The following WWTR1 variants were observed in gnomAD, a reference collection of about 807,000 sequenced individuals.
The protein encoded by WWTR1 is WW domain-containing transcription regulator protein 1.
WWTR1 carries 13 observed loss-of-function variants against 40.1 expected under a neutral mutation model. That is an observed-to-expected ratio of 0.32 (90% confidence interval 0.21 to 0.52). The LOEUF is 0.52. Ranked by LOEUF, WWTR1 falls within the 20% of genes least tolerant of loss-of-function variation. The pLI, the probability that WWTR1 is intolerant of heterozygous loss-of-function variation, is 0.97. For synonymous variants in WWTR1, 230 were observed against 210.1 expected, an observed-to-expected ratio of 1.09 and a Z score of -0.82; for missense variants, 436 against 523.1, an observed-to-expected ratio of 0.83 and a Z score of 1.63.
intron 1 of WWTR1, 122 bp from the exon 2 acceptor site, chr3:149,657,431 G>A (rs969954652): frequency 5.0e-6 from 6 of 1,189,832 alleles, no homozygotes; most frequent in African/African-American, 1.5e-5. Context: ...CGAGGAGACA[G>A]ATAATTGCCC....
At chr3:149,605,140 A>C (rs1739427103) in intron 2 of WWTR1, among the ~76,000 whole-genome samples, 1 of 152,212 alleles carries the variant, frequency 6.6e-6, no homozygotes, top group Non-Finnish European at 1.5e-5. Context: ...GAGAGTGGAG[A>C]CCTGGTCACA....
rs552498008 is a variant in WWTR1 at position 149,553,696 on chromosome 3, G to A, written c.569-11159C>T. Among the ~76,000 whole-genome samples, 212 of 152,222 alleles carry A rather than the reference G, an allele frequency of 1.4e-3. 1 individual carries two copies. The highest frequency in any genetic ancestry group is 1.8e-4 in the Non-Finnish European group (12 of 68,008). On this transcript the variant is annotated intron_variant, in intron 3 of 6. Coordinates refer to ENST00000360632, the MANE Select transcript of WWTR1 (RefSeq NM_015472.6). ...AAGCCAAAACATACAGGTGTAAATC[G>A]TTTCTGACTTATGTGCAGACCCAGC...
chr3:149,594,551 A>G (rs1738885374), intron 2 of WWTR1, among the ~76,000 whole-genome samples: 1 of 152,188 alleles, frequency 6.6e-6, no homozygotes, highest in Non-Finnish European at 1.5e-5. Flanking sequence ...ATCATAAAGA[A>G]CCCATCGTGT....
At chr3:149,667,099 C>T (rs1713852966) in intron 2 of WWTR1, among the ~76,000 whole-genome samples, 1 of 152,108 alleles carries the variant, frequency 6.6e-6, no homozygotes, top group Non-Finnish European at 1.5e-5. Context: ...TATTGGAGCG[C>T]TTGTGTGTAT....
intron 5 of WWTR1, among the ~76,000 whole-genome samples, chr3:149,710,578 C>A (rs867585526): frequency 2.4e-5 from 2 of 84,772 alleles, no homozygotes; most frequent in East Asian, 4.9e-4. Context: ...CCTCCCCCCC[C>A]CCCCTTTTTT....
At chr3:149,676,346 T>A (rs78362314) in intron 1 of WWTR1, among the ~76,000 whole-genome samples, 2,946 of 152,312 alleles carry the variant, frequency 0.019, 60 homozygotes, top group South Asian at 0.091. Context: ...GATTTTAGCA[T>A]CTCTGGTTTT....
chr3:149,577,276 G>T (rs763720188), intron 2 of WWTR1, among the ~76,000 whole-genome samples: 55 of 152,090 alleles, frequency 3.6e-4, no homozygotes, highest in African/African-American at 1.3e-3. Context: ...ATCCCATGCT[G>T]TTTATAAAGA....
chr3:149,707,975 G>T (rs1301262823), upstream of WWTR1, among the ~76,000 whole-genome samples: 3 of 149,310 alleles, frequency 2.0e-5, no homozygotes, highest in Non-Finnish European at 3.0e-5. Context: ...TTATGGTAAT[G>T]GTCCTCTGCC....
Position 149,615,800 on chromosome 3 carries a change from G to T in WWTR1, c.431+41076C>A, listed in dbSNP as rs1201398734. ...GCAAGTGAGATGGAGGAGGGGTAGC[G>T]GCCACACCACAGAGGTGTCTGCTAC... is the stretch of plus-strand genomic sequence containing the variant. On this transcript the variant is annotated intron_variant, in intron 2 of 6. Coordinates refer to ENST00000360632, the MANE Select transcript of WWTR1 (RefSeq NM_015472.6). 2.6e-5 allele frequency among the ~76,000 whole-genome samples: 4 copies of T among 152,134 alleles called. No homozygotes were observed. In the South Asian group the frequency reaches 8.3e-4, roughly 32 times the overall value.
At chr3:149,537,846 G>T (rs1735906745) in intron 4 of WWTR1, among the ~76,000 whole-genome samples, 1 of 152,194 alleles carries the variant, frequency 6.6e-6, no homozygotes, top group African/African-American at 2.4e-5. Context: ...GTTTTGGGGG[G>T]AAGTCTGGTT....
intron 3 of WWTR1, among the ~76,000 whole-genome samples, chr3:149,546,588 A>G (rs1241558282): frequency 6.6e-6 from 1 of 152,246 alleles, no homozygotes; most frequent in Non-Finnish European, 1.5e-5. Flanking sequence ...GAAACTGGGT[A>G]TCAGGGATGG....
intron 2 of WWTR1, among the ~76,000 whole-genome samples, chr3:149,579,598 GC>G: frequency 6.6e-6 from 1 of 152,124 alleles, no homozygotes; most frequent in South Asian, 2.1e-4. Context: ...GACTGCTTGA[GC>G]CCCAGAGTTG....
intron 2 of WWTR1, among the ~76,000 whole-genome samples, chr3:149,637,628 T>C (rs183054850): frequency 2.0e-5 from 3 of 152,216 alleles, no homozygotes; most frequent in East Asian, 1.9e-4. Context: ...ATTCTAAGAA[T>C]TGGCAAGTTG....
intron 4 of WWTR1, among the ~76,000 whole-genome samples, chr3:149,719,655 G>A (rs1715710243): frequency 6.6e-6 from 1 of 152,066 alleles, no homozygotes; most frequent in Non-Finnish European, 1.5e-5. Flanking sequence ...TGGATCATAT[G>A]GTAAATCTAT....
intron 2 of WWTR1, among the ~76,000 whole-genome samples, chr3:149,596,168 C>T (rs1442568704): frequency 6.6e-6 from 1 of 152,146 alleles, no homozygotes; most frequent in Non-Finnish European, 1.5e-5. Context: ...CTTCTATCCT[C>T]CAGTTATAAC....
chr3:149,694,009 TTAAA>T (rs1270535285), intron 1 of WWTR1, among the ~76,000 whole-genome samples: 2 of 152,142 alleles, frequency 1.3e-5, no homozygotes, highest in African/African-American at 4.8e-5. Flanking sequence ...TCAAATCAAG[TTAAA>T]AAGCTTTTGG....
chr3:149,612,975 G>A (rs371454232), intron 2 of WWTR1, among the ~76,000 whole-genome samples: 5 of 152,052 alleles, frequency 3.3e-5, no homozygotes, highest in Admixed American at 2.0e-4. Context: ...TTCCATCATC[G>A]TTAACTTTAG....
At chr3:149,717,245 C>T (rs1332024596) in intron 5 of WWTR1, among the ~76,000 whole-genome samples, 1 of 152,174 alleles carries the variant, frequency 6.6e-6, no homozygotes, top group Non-Finnish European at 1.5e-5. Context: ...TCTATTATCT[C>T]ACTTTATAAG....
intron 6 of WWTR1, among the ~76,000 whole-genome samples, chr3:149,521,508 T>A (rs1033205404): frequency 6.6e-6 from 1 of 152,226 alleles, no homozygotes; most frequent in African/African-American, 2.4e-5. Context: ...ACCTACACCC[T>A]ACAACTATCT....
Sources: gnomAD v4.1 joint callset for allele counts (sites outside exome capture counted in the v4.1 genomes callset) on GRCh38, gnomAD v4.1.1 for gene constraint, MANE v1.5 for transcripts, NCBI Gene and HGNC (gene_info 2026-07-23, HGNC 2026-07-21) for gene names.